Variants in LTBP1 observed in about 807,000 individuals in gnomAD.
The protein encoded by LTBP1 is latent transforming growth factor beta binding protein 1, also known as latent-transforming growth factor beta-binding protein 1.
A neutral mutation model predicts 207.6 loss-of-function variants in LTBP1; 129 were observed. The observed-to-expected ratio is 0.62, with a 90% CI of 0.54 to 0.72. LTBP1 has a LOEUF of 0.72. Ranked by LOEUF, LTBP1 falls within the 30% of genes least tolerant of loss-of-function variation. LTBP1 has a pLI of 0.00. For synonymous variants in LTBP1, 963 were observed against 833.7 expected (o/e 1.16, Z -2.67); for missense variants, 2,281 against 2,217.2 (o/e 1.03, Z -0.58).
At chr2:33,200,387 A>G (rs1161975003) in intron 7 of LTBP1, among the ~76,000 whole-genome samples, 1 of 152,222 alleles carries the variant, frequency 6.6e-6, no homozygotes, top group East Asian at 1.9e-4. Flanking sequence ...AGGATTCCCT[A>G]TTTAATAAAT....
At chr2:33,174,489 G>A (rs1356029317) in intron 5 of LTBP1, among the ~76,000 whole-genome samples, 1 of 151,842 alleles carries the variant, frequency 6.6e-6, no homozygotes, top group East Asian at 1.9e-4. Flanking sequence ...ACAAACCACT[G>A]CTCAATGAAA....
chr2:33,155,129 A>G (rs1228876931), intron 5 of LTBP1, among the ~76,000 whole-genome samples: 1 of 152,170 alleles, frequency 6.6e-6, no homozygotes, highest in East Asian at 1.9e-4. Flanking sequence ...TGTCTGTATC[A>G]CCATACCCTT....
chr2:33,116,468 A>T (rs2080751005), intron 4 of LTBP1, among the ~76,000 whole-genome samples: 1 of 152,186 alleles, frequency 6.6e-6, no homozygotes, highest in South Asian at 2.1e-4. Flanking sequence ...TCTGGCTCTT[A>T]AAAAAATGTA....
At position 33,398,633 on chromosome 2, in the gene LTBP1, C is replaced by G; in HGVS notation, c.*88C>G. On this transcript the variant is annotated 3_prime_UTR_variant, in exon 34 of 34. Coordinates refer to ENST00000404816, the MANE Select transcript of LTBP1 (RefSeq NM_206943.4). ...TATTATACTTGAGACATTGCACCTA[C>G]CCCGGAAGGCTGGAAATACAGAAAC... is the stretch of plus-strand genomic sequence containing the variant. 1 of 1,279,272 alleles carries G rather than the reference C, an allele frequency of 7.8e-7. No homozygotes were observed. The allele number at this position is 1,279,272 out of a possible 1,614,324, so 79.2% of individuals were successfully genotyped here. A position where few individuals can be genotyped will look rare whatever the true frequency, so the allele number is the denominator to read the frequency against.
chr2:33,379,494 G>A lies in LTBP1; in HGVS notation c.4712-9690G>A, dbSNP rs113211324. ...AAAGTGCTGGGATTCATAGGCATGA[G>A]CCACCGTGCCCGGCCCTGCCATTAC... On this transcript the variant is annotated intron_variant, in intron 31 of 33. Coordinates refer to ENST00000404816, the MANE Select transcript of LTBP1 (RefSeq NM_206943.4). 5.6e-3 allele frequency among the ~76,000 whole-genome samples: 855 copies of A among 152,234 alleles called. 10 individuals are homozygous for A. The highest frequency in any genetic ancestry group is 0.02 in the African/African-American group (814 of 41,536).
chr2:33,075,546 G>A (rs114318617), intron 3 of LTBP1, among the ~76,000 whole-genome samples: 92 of 152,278 alleles, frequency 6.0e-4, no homozygotes, highest in African/African-American at 2.1e-3. Context: ...TGAGAGTTAT[G>A]CTGGAATTAT....
chr2:33,327,910 G>C (rs1043980737), intron 24 of LTBP1, among the ~76,000 whole-genome samples: 9 of 151,822 alleles, frequency 5.9e-5, no homozygotes, highest in African/African-American at 2.2e-4. Flanking sequence ...AGGCTGAGGT[G>C]GGTGGATCCG....
intron 3 of LTBP1, among the ~76,000 whole-genome samples, chr2:33,023,401 G>A (rs562973620): frequency 1.4e-4 from 21 of 152,202 alleles, no homozygotes; most frequent in South Asian, 4.2e-4. Flanking sequence ...TTTGGTAGCC[G>A]CGGTGTACTT....
intron 26 of LTBP1, among the ~76,000 whole-genome samples, chr2:33,349,697 ATT>A (rs1452971228): frequency 6.6e-6 from 1 of 152,216 alleles, no homozygotes; most frequent in Non-Finnish European, 1.5e-5. Context: ...ATTTGACAGC[ATT>A]TCTTTTACTG....
At chr2:33,328,279 C>T (rs1029783627) in intron 24 of LTBP1, among the ~76,000 whole-genome samples, 1 of 152,134 alleles carries the variant, frequency 6.6e-6, no homozygotes, top group South Asian at 2.1e-4. Context: ...CCTCAAACTT[C>T]CTCGTGATTA....
At position 33,293,185 on chromosome 2, in the gene LTBP1, C is replaced by T. The variant is rs141576197; in HGVS notation, c.3138C>T (p.Asn1046=). Residue 1046 remains asparagine, a synonymous_variant, in exon 20 of 34, where the codon AAC becomes AAT. Transcript: ENST00000404816. The part of the protein sequence containing the change: ...CLDVDECLEP[N]VCANGDCSNL... The stretch of plus-strand genomic sequence containing the variant: ...ATGTGGACGAGTGCCTGGAACCAAA[C>T]GTCTGCGCAAATGGTGATTGTTCCA... 1.5e-5 allele frequency: 24 copies of T among 1,613,886 alleles called. No homozygotes were observed. Among genetic ancestry groups the T allele is most frequent in the Non-Finnish European group, 1.5e-5 (18 of 1,179,956 alleles).
At chr2:32,956,210 T>C (rs1158647637) in intron 2 of LTBP1, among the ~76,000 whole-genome samples, 1 of 152,114 alleles carries the variant, frequency 6.6e-6, no homozygotes, top group Non-Finnish European at 1.5e-5. Flanking sequence ...AATAAGAAAA[T>C]GATGAAGTTT....
chr2:32,983,896 A>G (rs1683143745), intron 2 of LTBP1, among the ~76,000 whole-genome samples: 1 of 152,360 alleles, frequency 6.6e-6, no homozygotes, highest in Non-Finnish European at 1.5e-5. Flanking sequence ...CATTCTCTAA[A>G]GCATCCTCTG....
At chr2:33,070,880 A>G (rs561094252) in intron 3 of LTBP1, among the ~76,000 whole-genome samples, 2 of 152,306 alleles carry the variant, frequency 1.3e-5, no homozygotes, top group South Asian at 2.1e-4. Flanking sequence ...GCCACGGGCT[A>G]TGAGATCTTG....
At chr2:33,377,602 A>G (rs1373288396) in intron 31 of LTBP1, among the ~76,000 whole-genome samples, 6 of 152,230 alleles carry the variant, frequency 3.9e-5, no homozygotes, top group Non-Finnish European at 5.9e-5. Context: ...CTGATGTCCT[A>G]TTAAAATCTT....
intron 2 of LTBP1, among the ~76,000 whole-genome samples, chr2:32,969,639 A>C (rs1245326568): frequency 6.6e-6 from 1 of 152,204 alleles, no homozygotes; most frequent in African/African-American, 2.4e-5. Flanking sequence ...ATTCCATGGT[A>C]TATACATACC....
intron 22 of LTBP1, among the ~76,000 whole-genome samples, chr2:33,306,627 C>G (rs1257000898): frequency 6.6e-6 from 1 of 151,682 alleles, no homozygotes; most frequent in African/African-American, 2.4e-5. Flanking sequence ...TATGCTGAGG[C>G]AAACATCTAG....
chr2:33,002,281 G>A (rs1357719454), intron 2 of LTBP1, among the ~76,000 whole-genome samples: 2 of 152,228 alleles, frequency 1.3e-5, no homozygotes, highest in African/African-American at 2.4e-5. Flanking sequence ...ACAAATGCAA[G>A]GGGTGAGTTA....
intron 15 of LTBP1, 87 bp from the exon 16 acceptor site, chr2:33,273,569 A>T (rs1360871880): frequency 1.9e-6 from 2 of 1,057,742 alleles, no homozygotes; most frequent in African/African-American, 3.3e-5. Context: ...CTAGTTGGTC[A>T]GGAAACTCAA....
Sources: allele counts gnomAD v4.1 joint callset (sites outside exome capture counted in the v4.1 genomes callset), GRCh38; gene constraint gnomAD v4.1.1; transcripts MANE v1.5; gene names NCBI Gene and HGNC (gene_info 2026-07-23, HGNC 2026-07-21).